The following SRPK2 variants were observed in gnomAD, a reference collection of about 807,000 sequenced individuals.
SRPK2 encodes the protein SFRS protein kinase 2.
A neutral mutation model predicts 90.8 loss-of-function variants in SRPK2; 21 were observed. The observed-to-expected ratio is 0.23, with a 90% CI of 0.16 to 0.33. The LOEUF (loss-of-function observed/expected upper bound fraction) is 0.33. Among genes scored for constraint, SRPK2 ranks in the 10% least tolerant of loss-of-function variants. The pLI is 1.00. For missense variants in SRPK2, 620 were observed against 869.0 expected (o/e 0.71, Z 3.60); for synonymous variants, 288 against 311.1 (o/e 0.93, Z 0.78).
chr7:105,170,934 G>GGAAA (rs1554435876), intron 3 of SRPK2, among the ~76,000 whole-genome samples: 1,825 of 28,952 alleles, frequency 0.063, 235 homozygotes, highest in Middle Eastern at 0.12. Context: ...AAAAGAAAAA[G>GGAAA]GAAAGAAAGA....
chr7:105,164,180 G>A (rs1008433201), intron 6 of SRPK2, among the ~76,000 whole-genome samples: 2 of 152,212 alleles, frequency 1.3e-5, no homozygotes, highest in East Asian at 1.9e-4. Flanking sequence ...AAAGGTCACT[G>A]CAACCGTTTT....
intron 2 of SRPK2, among the ~76,000 whole-genome samples, chr7:105,307,693 G>A (rs957278874): frequency 3.3e-5 from 5 of 152,214 alleles, no homozygotes; most frequent in African/African-American, 1.2e-4. Context: ...TGTTAAAAGT[G>A]TATAAGTGGT....
intron 3 of SRPK2, among the ~76,000 whole-genome samples, chr7:105,199,280 T>C: frequency 6.6e-6 from 1 of 152,310 alleles, no homozygotes; most frequent in South Asian, 2.1e-4. Flanking sequence ...AAGAAATACA[T>C]GTGATGTCTT....
At chr7:105,215,851 A>T (rs1797396075) in intron 2 of SRPK2, among the ~76,000 whole-genome samples, 1 of 152,202 alleles carries the variant, frequency 6.6e-6, no homozygotes, top group African/African-American at 2.4e-5. Context: ...AATAGGGGTG[A>T]CTACTCAAGT....
At chr7:105,211,879 A>C (rs1173207676) in intron 2 of SRPK2, among the ~76,000 whole-genome samples, 1 of 152,220 alleles carries the variant, frequency 6.6e-6, no homozygotes, top group African/African-American at 2.4e-5. Context: ...GATGTAAGTA[A>C]ATCAGACCTG....
At chr7:105,289,473 G>C (rs541800520) in intron 2 of SRPK2, among the ~76,000 whole-genome samples, 1 of 152,228 alleles carries the variant, frequency 6.6e-6, no homozygotes, top group Admixed American at 6.5e-5. Context: ...CTGTTTATAT[G>C]ATACCATAGA....
upstream of SRPK2, among the ~76,000 whole-genome samples, chr7:105,390,603 TTTTG>T (rs1563326634): frequency 1.4e-5 from 2 of 141,586 alleles, no homozygotes; most frequent in South Asian, 2.2e-4. Flanking sequence ...TAATTTTTGT[TTTTG>T]TTTTTTTTTT....
chr7:105,309,468 G>A (rs1004032327), intron 2 of SRPK2, among the ~76,000 whole-genome samples: 2 of 152,066 alleles, frequency 1.3e-5, no homozygotes, highest in African/African-American at 4.8e-5. Context: ...GCATATACAT[G>A]TGTATCTACA....
intron 2 of SRPK2, among the ~76,000 whole-genome samples, chr7:105,295,300 AAT>A (rs2131128631): frequency 1.3e-5 from 2 of 151,754 alleles, no homozygotes; most frequent in African/African-American, 4.8e-5. Flanking sequence ...AATATATTTT[AAT>A]GTTTGTTTTA....
intron 11 of SRPK2, among the ~76,000 whole-genome samples, chr7:105,135,484 A>C (rs562257326): frequency 6.6e-6 from 1 of 152,336 alleles, no homozygotes; most frequent in East Asian, 1.9e-4. Context: ...TTCCGCCCCC[A>C]CAAACAACTC....
intron 3 of SRPK2, among the ~76,000 whole-genome samples, chr7:105,198,001 G>A (rs531112517): frequency 6.6e-6 from 1 of 152,172 alleles, no homozygotes; most frequent in African/African-American, 2.4e-5. Context: ...TATACACCGA[G>A]GGTTCTGGAA....
At chr7:105,316,937 C>A (rs957711603) in intron 2 of SRPK2, among the ~76,000 whole-genome samples, 1 of 152,200 alleles carries the variant, frequency 6.6e-6, no homozygotes, top group African/African-American at 2.4e-5. Flanking sequence ...TTAAGTGAGA[C>A]TGAATAGGAA....
At chr7:105,228,191 A>C (rs575263739) in intron 2 of SRPK2, among the ~76,000 whole-genome samples, 6 of 152,134 alleles carry the variant, frequency 3.9e-5, no homozygotes, top group Non-Finnish European at 2.9e-5. Context: ...ACCCAGCCCA[A>C]TCTCCTAATT....
chr7:105,168,734 A>G (rs1790404888), intron 4 of SRPK2, among the ~76,000 whole-genome samples: 1 of 71,060 alleles, frequency 1.4e-5, no homozygotes, highest in Non-Finnish European at 3.9e-5. Flanking sequence ...ACACACACAC[A>G]CACGCACCAA....
chr7:105,160,532 C>T lies in SRPK2; in HGVS notation c.596G>A (p.Arg199His), dbSNP rs139310710. The T allele has an allele frequency of 1.7e-5, 28 of 1,613,184 alleles. No homozygotes were observed. Among genetic ancestry groups the T allele is most frequent in the East Asian group, 1.1e-4 (5 of 44,894 alleles). Residue 199 changes from arginine to histidine, a missense_variant, in exon 7 of 16, where the codon CGT (arginine) becomes CAT (histidine). By Grantham distance (29) the Arg-to-His change is conservative (BLOSUM62 0). Around this residue, in one of 8 missense-constraint regions of SRPK2, gnomAD observed 196 missense variants for 339.2 expected, o/e 0.58. Transcript: ENST00000393651. ...CTGTCGAATGATACTCTTCACACAA[C>T]GTACTGGGAGGCCTTGATAGTTGGA... ...IKSNYQGLPVRCVKSIIRQVL... is the reference protein window; with the variant it reads ...IKSNYQGLPVHCVKSIIRQVL...
At chr7:105,169,102 C>CT in intron 4 of SRPK2, 55 bp downstream of exon 4, 1 of 1,479,638 alleles carries the variant, frequency 6.8e-7, no homozygotes, top group Non-Finnish European at 9.4e-7. Context: ...CTTCTTAGAA[C>CT]ACAGATGTTG....
At chr7:105,138,646 A>G (rs1157310775) in intron 11 of SRPK2, among the ~76,000 whole-genome samples, 1 of 152,208 alleles carries the variant, frequency 6.6e-6, no homozygotes, top group Non-Finnish European at 1.5e-5. Flanking sequence ...TACCAAAAAT[A>G]TAAAAGTTGA....
At chr7:105,198,158 A>G (rs757453451) in intron 3 of SRPK2, among the ~76,000 whole-genome samples, 1 of 152,222 alleles carries the variant, frequency 6.6e-6, no homozygotes, top group Non-Finnish European at 1.5e-5. Context: ...TTAGTGTTCA[A>G]TGTGCAGAAA....
upstream of SRPK2, among the ~76,000 whole-genome samples, chr7:105,393,375 G>A (rs574735220): frequency 1.3e-5 from 2 of 150,908 alleles, no homozygotes; most frequent in South Asian, 2.1e-4. Flanking sequence ...CAGGTGATCC[G>A]CCCACCTTGG....
Sources: gnomAD v4.1 joint callset for allele counts (sites outside exome capture counted in the v4.1 genomes callset) on GRCh38, gnomAD v4.1.1 for gene constraint, gnomAD v4.1.1 regional missense constraint, MANE v1.5 for transcripts, NCBI Gene and HGNC (gene_info 2026-07-23, HGNC 2026-07-21) for gene names.